TET3: variants seen among roughly 807,000 people sequenced by gnomAD.
TET3 encodes the protein methylcytosine dioxygenase TET3.
TET3 carries 19 observed loss-of-function variants against 141.4 expected under a neutral mutation model. The ratio of observed to expected loss-of-function variants is 0.13; its 90% CI spans 0.09 to 0.20. The LOEUF is 0.20. Ranked by LOEUF, TET3 falls within the 10% of genes least tolerant of loss-of-function variation. TET3 has a pLI of 1.00. For synonymous variants in TET3, 1,043 were observed against 980.9 expected, an observed-to-expected ratio of 1.06 and a Z score of -1.18; for missense variants, 1,874 against 2,356.9, an observed-to-expected ratio of 0.80 and a Z score of 4.24.
At chr2:74,117,802 A>G in the TET3 span, among the ~76,000 whole-genome samples, 256 of 152,150 alleles carry the variant, frequency 1.7e-3, 1 homozygote, top group African/African-American at 5.7e-3. Flanking sequence ...CTGGAACGCA[A>G]TGACACAATC....
chr2:74,026,767 C>A (rs73948292), intron 3 of TET3, among the ~76,000 whole-genome samples: 65 of 151,182 alleles, frequency 4.3e-4, no homozygotes, highest in African/African-American at 1.5e-3. Context: ...GAACCAAGTT[C>A]CATTTCCTGT....
intron 2 of TET3, among the ~76,000 whole-genome samples, chr2:74,001,309 G>A (rs1034094735): frequency 3.9e-5 from 6 of 152,138 alleles, no homozygotes; most frequent in African/African-American, 9.7e-5. Context: ...GTAGGAGAGC[G>A]AATCACTGGG....
chr2:74,077,630 G>A (rs995384493), intron 5 of TET3, among the ~76,000 whole-genome samples: 2 of 152,146 alleles, frequency 1.3e-5, no homozygotes, highest in African/African-American at 2.4e-5. Context: ...TTTTGTTTTT[G>A]TTTTTGTTTT....
chr2:74,070,446 A>G (rs1270373975), intron 4 of TET3, among the ~76,000 whole-genome samples: 1 of 152,212 alleles, frequency 6.6e-6, no homozygotes, highest in African/African-American at 2.4e-5. Flanking sequence ...GGTCCCTCCC[A>G]CAACACGGAA....
chr2:74,116,733 AATT>A, the TET3 span, among the ~76,000 whole-genome samples: 1 of 152,000 alleles, frequency 6.6e-6, no homozygotes, highest in Admixed American at 6.6e-5. Flanking sequence ...GAATATGTAC[AATT>A]ATTATTTGTC....
At chr2:74,004,716 G>C (rs1053720338) in intron 3 of TET3, among the ~76,000 whole-genome samples, 5 of 152,108 alleles carry the variant, frequency 3.3e-5, no homozygotes, top group Admixed American at 3.3e-4. Flanking sequence ...TACTGTGGGT[G>C]GGGAGGAGAG....
intron 3 of TET3, among the ~76,000 whole-genome samples, chr2:74,005,623 G>A (rs74518230): frequency 0.013 from 1,948 of 152,232 alleles, 35 homozygotes; most frequent in East Asian, 0.079. Flanking sequence ...CCTGGGACAC[G>A]GGACACGGGG....
chr2:74,131,917 G>T, the TET3 span, among the ~76,000 whole-genome samples: 1 of 146,218 alleles, frequency 6.8e-6, no homozygotes, highest in African/African-American at 2.5e-5. Flanking sequence ...GAACAACTGG[G>T]TGGGGGGGCC....
intron 2 of TET3, among the ~76,000 whole-genome samples, chr2:73,987,742 C>T (rs1325733396): frequency 1.3e-5 from 2 of 152,192 alleles, no homozygotes; most frequent in East Asian, 1.9e-4. Context: ...CTGTCTTTTC[C>T]TTGGGGGAAG....
intron 10 of TET3, among the ~76,000 whole-genome samples, chr2:74,098,329 A>G (rs1454529738): frequency 6.6e-6 from 1 of 152,258 alleles, no homozygotes; most frequent in Non-Finnish European, 1.5e-5. Flanking sequence ...AATATTACAC[A>G]GCTCTAATCA....
At chr2:74,006,627 T>C (rs535887944) in intron 3 of TET3, among the ~76,000 whole-genome samples, 15 of 152,316 alleles carry the variant, frequency 9.8e-5, no homozygotes, top group Admixed American at 3.9e-4. Context: ...CTTTGTGGTC[T>C]TGCCAAGTCC....
intron 4 of TET3, among the ~76,000 whole-genome samples, chr2:74,052,107 G>T (rs1423967821): frequency 6.6e-6 from 1 of 152,162 alleles, no homozygotes; most frequent in African/African-American, 2.4e-5. Context: ...GACCTCCCGA[G>T]TAGCTGGGAT....
intron 3 of TET3, among the ~76,000 whole-genome samples, chr2:74,012,170 A>G (rs1446393558): frequency 6.6e-6 from 1 of 152,106 alleles, no homozygotes; most frequent in Non-Finnish European, 1.5e-5. Context: ...CATGTTGCCC[A>G]GGCTGGTCTC....
chr2:74,126,592 C>T, the TET3 span, among the ~76,000 whole-genome samples: 5 of 151,228 alleles, frequency 3.3e-5, no homozygotes, highest in Middle Eastern at 6.8e-3. Flanking sequence ...AGCTCCGCCT[C>T]CCGGGTTCAC....
At chr2:73,993,857 G>A (rs1684448783) in intron 2 of TET3, 1 of 152,302 alleles carries the variant, frequency 6.6e-6, no homozygotes, top group Non-Finnish European at 1.5e-5. Flanking sequence ...GTAGATGGTG[G>A]TGGTTGTGCA....
the TET3 span, among the ~76,000 whole-genome samples, chr2:74,128,110 TCAAA>T: frequency 5.3e-5 from 8 of 152,220 alleles, no homozygotes; most frequent in Non-Finnish European, 1.2e-4. Context: ...AAACCTCACC[TCAAA>T]CAGTGTTCTC....
chr2:74,032,463 G>C (rs868336410), intron 3 of TET3, among the ~76,000 whole-genome samples: 15 of 116,796 alleles, frequency 1.3e-4, no homozygotes, highest in Non-Finnish European at 2.5e-4. Context: ...GTGTGTGTGT[G>C]TGTGTGTGTG....
intron 11 of TET3, 98 bp downstream of exon 11, chr2:74,099,710 G>A: frequency 8.0e-7 from 1 of 1,254,508 alleles, no homozygotes; most frequent in Non-Finnish European, 1.1e-6. Context: ...ACTGGAACTG[G>A]GGCCTCTGCT....
chr2:74,009,430 G>A lies in TET3; in HGVS notation c.360+6264G>A, dbSNP rs1685312710. Among the ~76,000 whole-genome samples the A allele has an allele frequency of 2.0e-5, 3 of 152,234 alleles. No homozygotes were observed. In the South Asian group the frequency reaches 6.2e-4, roughly 32 times the overall value. ...ATGGCTTGAATAGGCTCAGGCTGGGGTACAGAGGGCTGTCCCTACTGCATC... is the reference window on the plus strand; with the variant it reads ...ATGGCTTGAATAGGCTCAGGCTGGGATACAGAGGGCTGTCCCTACTGCATC... On this transcript the variant is annotated intron_variant, in intron 3 of 11. Transcript: ENST00000409262.
Sources: allele counts gnomAD v4.1 joint callset (sites outside exome capture counted in the v4.1 genomes callset), GRCh38; gene constraint gnomAD v4.1.1; transcripts MANE v1.5; gene names NCBI Gene and HGNC (gene_info 2026-07-23, HGNC 2026-07-21).